Variants in HSF5 observed in about 807,000 individuals in gnomAD.
HSF5 encodes heat shock factor protein 5.
HSF5 carries 5 observed loss-of-function variants against 50.8 expected under a neutral mutation model. That is an observed-to-expected ratio of 0.10 (90% CI 0.05 to 0.21). The LOEUF (loss-of-function observed/expected upper bound fraction) is 0.21. Among genes scored for constraint, HSF5 ranks in the 10% least tolerant of loss-of-function variants. The pLI is 1.00. For synonymous variants in HSF5, 307 were observed against 307.4 expected (o/e 1.00, Z 0.02); for missense variants, 564 against 762.6 (o/e 0.74, Z 3.07).
intron 1 of HSF5, among the ~76,000 whole-genome samples, chr17:58,484,472 T>C (rs543161381): frequency 1.8e-4 from 28 of 152,332 alleles, no homozygotes; most frequent in African/African-American, 6.7e-4. Context: ...AAAGAGCAAG[T>C]GTTGGTTTTT....
At chr17:58,483,366 TAAAG>T (rs1975126527) in intron 1 of HSF5, among the ~76,000 whole-genome samples, 1 of 152,198 alleles carries the variant, frequency 6.6e-6, no homozygotes, top group Non-Finnish European at 1.5e-5. Flanking sequence ...TTTTTTAAAA[TAAAG>T]AACCAAGACA....
intron 2 of HSF5, among the ~76,000 whole-genome samples, chr17:58,469,663 G>A (rs1200213614): frequency 6.6e-6 from 1 of 152,100 alleles, no homozygotes; most frequent in Non-Finnish European, 1.5e-5. Context: ...ATAATCAACT[G>A]TGCATTATGA....
chr17:58,444,938 A>G (rs1386996353), intron 5 of HSF5, among the ~76,000 whole-genome samples: 1 of 152,152 alleles, frequency 6.6e-6, no homozygotes, highest in Non-Finnish European at 1.5e-5. Flanking sequence ...TTGAATATAC[A>G]TTTTCCAAAG....
chr17:58,431,238 G>T (rs949795428), intron 5 of HSF5, among the ~76,000 whole-genome samples: 16 of 152,116 alleles, frequency 1.1e-4, no homozygotes, highest in African/African-American at 3.9e-4. Context: ...CCAGTCTCGG[G>T]TATGTCTTTA....
At chr17:58,458,690 C>A in intron 5 of HSF5, 78 bp downstream of exon 5, 1 of 1,197,692 alleles carries the variant, frequency 8.3e-7, no homozygotes, top group Non-Finnish European at 1.2e-6. Flanking sequence ...TAAATGGAGA[C>A]CCAGAAAAAA....
At chr17:58,423,262 T>C (rs1385597740) in intron 5 of HSF5, among the ~76,000 whole-genome samples, 1 of 152,048 alleles carries the variant, frequency 6.6e-6, no homozygotes, top group Admixed American at 6.5e-5. Context: ...GAACTGTCCA[T>C]AAAAAAGAAA....
In HSF5 at chr17:58,477,600, C is replaced by T. The variant is rs574399999; in HGVS notation, c.925+2293G>A. On this transcript the variant is annotated intron_variant, in intron 2 of 5. Coordinates refer to ENST00000323777, the MANE Select transcript of HSF5 (RefSeq NM_001080439.3). Reference sequence around the variant, plus strand: ...TCAGCCTCCCCAGTAGCTGGGACTACAGGTGCCCGTCACCACACCCAGCTA... The same window carrying T: ...TCAGCCTCCCCAGTAGCTGGGACTATAGGTGCCCGTCACCACACCCAGCTA... 1.5e-3 allele frequency among the ~76,000 whole-genome samples: 231 copies of T among 152,056 alleles called. 1 individual carries two copies. Among genetic ancestry groups the T allele is most frequent in the Non-Finnish European group, 2.4e-3 (160 of 67,978 alleles).
rs923959648 is a variant in HSF5 at position 58,479,889 on chromosome 17, A to G, written c.925+4T>C. ...AGAAGGCCATGAACCTGAATTTGTC[A>G]TACCTGTTGGATAGTAGGCTTGCGA... On this transcript the variant is annotated splice_donor_region_variant and intron_variant, in intron 2 of 5. Transcript: ENST00000323777. 3 of 1,604,646 alleles carry G rather than the reference A, an allele frequency of 1.9e-6. No individual in the cohort carries two copies. The highest frequency in any genetic ancestry group is 2.7e-5 in the African/African-American group (2 of 74,574).
chr17:58,457,966 T>C (rs1347251081), intron 5 of HSF5, among the ~76,000 whole-genome samples: 1 of 152,232 alleles, frequency 6.6e-6, no homozygotes, highest in Non-Finnish European at 1.5e-5. Flanking sequence ...ATATCACTAT[T>C]AATTTACTTT....
chr17:58,438,436 A>G (rs903061162), intron 5 of HSF5, among the ~76,000 whole-genome samples: 1 of 152,170 alleles, frequency 6.6e-6, no homozygotes, highest in Non-Finnish European at 1.5e-5. Flanking sequence ...TCATTAAGGG[A>G]TACATGATTA....
intron 4 of HSF5, among the ~76,000 whole-genome samples, chr17:58,459,688 G>A (rs533049364): frequency 6.7e-6 from 1 of 149,884 alleles, no homozygotes; most frequent in Non-Finnish European, 1.5e-5. Flanking sequence ...ACAGGGTCTC[G>A]CTATGTTGCC....
chr17:58,457,784 C>G (rs1384200864), intron 5 of HSF5, among the ~76,000 whole-genome samples: 2 of 152,126 alleles, frequency 1.3e-5, no homozygotes, highest in Non-Finnish European at 2.9e-5. Flanking sequence ...AGGCTCATGC[C>G]ATTGTGTTAA....
At chr17:58,444,758 T>C (rs1974537511) in intron 5 of HSF5, among the ~76,000 whole-genome samples, 1 of 152,158 alleles carries the variant, frequency 6.6e-6, no homozygotes, top group Admixed American at 6.5e-5. Context: ...AACTTAAAAG[T>C]GTCTGCTCAT....
intron 5 of HSF5, among the ~76,000 whole-genome samples, chr17:58,456,503 T>C (rs1034143956): frequency 1.3e-5 from 2 of 152,094 alleles, no homozygotes; most frequent in Non-Finnish European, 2.9e-5. Flanking sequence ...AGTAGCATAA[T>C]TGTAGCAAAT....
At chr17:58,432,480 G>C (rs1247602585) in intron 5 of HSF5, among the ~76,000 whole-genome samples, 1 of 152,142 alleles carries the variant, frequency 6.6e-6, no homozygotes, top group African/African-American at 2.4e-5. Flanking sequence ...TGAAAATCTG[G>C]GTGAAAAACA....
chr17:58,425,589 A>AC (rs1974286307), intron 5 of HSF5, among the ~76,000 whole-genome samples: 1 of 150,846 alleles, frequency 6.6e-6, no homozygotes, highest in East Asian at 1.9e-4. Flanking sequence ...AAAAAAAAAA[A>AC]AAAAAAAAAA....
At position 58,465,929 on chromosome 17, in the gene HSF5, T is replaced by C. The variant is rs373694237; in HGVS notation, c.1020+956A>G. 2.6e-5 allele frequency among the ~76,000 whole-genome samples: 4 copies of C among 152,176 alleles called. No homozygotes were observed. The East Asian group carries it at 7.7e-4, about 29-fold the overall frequency. ...CTAAAATCTCAAATACTCCAAAACC[T>C]GAAACTTTTTGAGTGCTGGCATGAT... On this transcript the variant is annotated intron_variant, in intron 3 of 5. Coordinates refer to ENST00000323777, the MANE Select transcript of HSF5 (RefSeq NM_001080439.3).
chr17:58,480,739 T>TAA (rs534014855), intron 1 of HSF5, among the ~76,000 whole-genome samples: 2 of 145,680 alleles, frequency 1.4e-5, no homozygotes, highest in Non-Finnish European at 3.0e-5. Flanking sequence ...TATAACAAGA[T>TAA]AAAAAAAAAA....
At chr17:58,450,863 C>G (rs1220881321) in intron 5 of HSF5, among the ~76,000 whole-genome samples, 1 of 151,554 alleles carries the variant, frequency 6.6e-6, no homozygotes, top group Non-Finnish European at 1.5e-5. Flanking sequence ...CCAAGGTGGG[C>G]GGATCACTTG....
Sources: allele counts gnomAD v4.1 joint callset (sites outside exome capture counted in the v4.1 genomes callset), GRCh38; gene constraint gnomAD v4.1.1; transcripts MANE v1.5; gene names NCBI Gene and HGNC (gene_info 2026-07-23, HGNC 2026-07-21).